Variants in SOX5 observed in about 807,000 individuals in gnomAD.
The protein encoded by SOX5 is SRY-box transcription factor 5.
A neutral mutation model predicts 92.0 loss-of-function variants in SOX5; 9 were observed. The ratio of observed to expected loss-of-function variants is 0.10; its 90% CI spans 0.06 to 0.17. The LOEUF is 0.17. SOX5 is among the 10% of genes least tolerant of loss of function. The pLI is 1.00. For missense variants in SOX5, 642 were observed against 944.5 expected (o/e 0.68, Z 4.20); for synonymous variants, 344 against 336.3 (o/e 1.02, Z -0.25).
chr12:23,952,698 A>T (rs1198996765), upstream of SOX5, among the ~76,000 whole-genome samples: 1 of 152,206 alleles, frequency 6.6e-6, no homozygotes, highest in Non-Finnish European at 1.5e-5. Flanking sequence ...CCAAATAATG[A>T]TCATCCTAAT....
At chr12:24,262,946 G>A (rs796736529) in intron 3 of SOX5, among the ~76,000 whole-genome samples, 18 of 152,294 alleles carry the variant, frequency 1.2e-4, no homozygotes, top group South Asian at 2.1e-4. Context: ...ACTGGGCTGC[G>A]CGCAGTGGCT....
At chr12:24,352,424 G>A (rs1013539465) in intron 2 of SOX5, among the ~76,000 whole-genome samples, 1 of 152,082 alleles carries the variant, frequency 6.6e-6, no homozygotes, top group Non-Finnish European at 1.5e-5. Flanking sequence ...TCACAACAGC[G>A]GGGTCCCACA....
At chr12:23,670,288 G>C (rs2084549835) in intron 6 of SOX5, among the ~76,000 whole-genome samples, 1 of 152,142 alleles carries the variant, frequency 6.6e-6, no homozygotes, top group African/African-American at 2.4e-5. Context: ...TATTGCAAAA[G>C]GGTGAGGACT....
At chr12:23,557,494 T>A (rs1945385632) in intron 11 of SOX5, among the ~76,000 whole-genome samples, 1 of 152,232 alleles carries the variant, frequency 6.6e-6, no homozygotes, top group Admixed American at 6.5e-5. Flanking sequence ...TATGCACACA[T>A]ATGCATGCTT....
intron 2 of SOX5, among the ~76,000 whole-genome samples, chr12:24,297,544 C>T (rs531146362): frequency 6.6e-6 from 1 of 152,280 alleles, no homozygotes; most frequent in African/African-American, 2.4e-5. Flanking sequence ...ATTGCTAAAG[C>T]AGTATTGCTT....
intron 1 of SOX5, among the ~76,000 whole-genome samples, chr12:24,517,717 T>A: frequency 6.6e-6 from 1 of 152,022 alleles, no homozygotes; most frequent in African/African-American, 2.4e-5. Flanking sequence ...TTTTTTTTTT[T>A]TTAACAATCC....
intron 1 of SOX5, among the ~76,000 whole-genome samples, chr12:24,474,049 A>T (rs1196831949): frequency 1.3e-5 from 2 of 152,200 alleles, no homozygotes; most frequent in East Asian, 3.8e-4. Context: ...TACATAAAAC[A>T]TAAACATGGT....
chr12:24,325,501 T>A (rs887610365), intron 2 of SOX5, among the ~76,000 whole-genome samples: 1 of 152,250 alleles, frequency 6.6e-6, no homozygotes, highest in African/African-American at 2.4e-5. Context: ...ACAATGAGCC[T>A]TGATTTAGAA....
chr12:23,611,361 T>C (rs2075923628), intron 8 of SOX5, among the ~76,000 whole-genome samples: 1 of 127,956 alleles, frequency 7.8e-6, no homozygotes, highest in Non-Finnish European at 1.7e-5. Flanking sequence ...ATCGTGTGTG[T>C]GTGTGTGCGT....
At chr12:23,653,651 T>G (rs1408799443) in intron 7 of SOX5, among the ~76,000 whole-genome samples, 1 of 152,088 alleles carries the variant, frequency 6.6e-6, no homozygotes, top group Non-Finnish European at 1.5e-5. Context: ...AAGGCCCATT[T>G]TTTGATGAAT....
rs186436382 is a variant in SOX5, at chr12:24,408,050, T to G, written c.-250-39411A>C. Among the ~76,000 whole-genome samples the G allele has an allele frequency of 3.3e-5, 5 of 152,192 alleles. No homozygotes were observed. The East Asian group carries it at 9.7e-4, about 29-fold the overall frequency. On this transcript the variant is annotated intron_variant, in intron 1 of 4. Coordinates refer to the SOX5 transcript ENST00000446891. The stretch of plus-strand genomic sequence containing the variant: ...TGAGCAGAGATCTCGATGAAGTGAA[T>G]GAGCAGGCCAGAGAAAGGAATGTTC...
At chr12:23,649,034 C>T (rs901888667) in intron 7 of SOX5, among the ~76,000 whole-genome samples, 1 of 152,094 alleles carries the variant, frequency 6.6e-6, no homozygotes, top group African/African-American at 2.4e-5. Context: ...CATGTCTCTA[C>T]CTTGTTACCA....
intron 1 of SOX5, among the ~76,000 whole-genome samples, chr12:24,517,932 T>C (rs1949941693): frequency 6.6e-6 from 1 of 152,214 alleles, no homozygotes; most frequent in Admixed American, 6.5e-5. Context: ...CCATTGAAAA[T>C]AGTGAGTAGA....
At chr12:24,163,619 A>C (rs1357308694) in intron 4 of SOX5, among the ~76,000 whole-genome samples, 1 of 135,870 alleles carries the variant, frequency 7.4e-6, no homozygotes, top group Non-Finnish European at 1.7e-5. Context: ...GGATTCTATC[A>C]GTCTAAATGG....
chr12:24,502,917 C>A (rs77019721), intron 1 of SOX5, among the ~76,000 whole-genome samples: 2,339 of 152,270 alleles, frequency 0.015, 24 homozygotes, highest in Middle Eastern at 0.034. Context: ...AACCCAGAGG[C>A]ATTTTACAAA....
intron 1 of SOX5, among the ~76,000 whole-genome samples, chr12:24,439,633 G>A (rs193124633): frequency 4.3e-4 from 66 of 152,290 alleles, no homozygotes; most frequent in Non-Finnish European, 7.9e-4. Context: ...AGTAGCTCAC[G>A]ACTGTAATCC....
intron 4 of SOX5, among the ~76,000 whole-genome samples, chr12:24,079,068 C>A (rs1943005038): frequency 1.3e-5 from 2 of 151,818 alleles, no homozygotes; most frequent in Non-Finnish European, 2.9e-5. Flanking sequence ...TGTCTCCCTT[C>A]CCCCATGAGT....
chr12:24,529,311 T>C (rs2138620227), intron 1 of SOX5, among the ~76,000 whole-genome samples: 1 of 152,348 alleles, frequency 6.6e-6, no homozygotes. Flanking sequence ...TCCCCACCAT[T>C]TAATTCACTG....
chr12:23,559,483 T>TA (rs893833420), intron 11 of SOX5, among the ~76,000 whole-genome samples: 16 of 151,710 alleles, frequency 1.1e-4, no homozygotes, highest in South Asian at 6.3e-4. Flanking sequence ...GTAAAGAAGT[T>TA]AAAAAAAAAT....
Sources: gnomAD v4.1 joint callset for allele counts (sites outside exome capture counted in the v4.1 genomes callset) on GRCh38, gnomAD v4.1.1 for gene constraint, MANE v1.5 for transcripts, NCBI Gene and HGNC (gene_info 2026-07-23, HGNC 2026-07-21) for gene names.